Variants in CERS6 observed in about 807,000 individuals in gnomAD.
The protein encoded by CERS6 is ceramide synthase 6.
A neutral mutation model predicts 56.8 loss-of-function variants in CERS6; 26 were observed. That is an observed-to-expected ratio of 0.46 (90% confidence interval 0.34 to 0.63). The LOEUF (loss-of-function observed/expected upper bound fraction) is 0.63, where lower values mean the gene tolerates loss of function less well. CERS6 is among the 30% of genes least tolerant of loss of function. CERS6 has a pLI of 0.01. For synonymous variants in CERS6, 164 were observed against 173.3 expected, an observed-to-expected ratio of 0.95 and a Z score of 0.42; for missense variants, 415 against 467.5, an observed-to-expected ratio of 0.89 and a Z score of 1.04.
intron 3 of CERS6, 72 bp downstream of exon 3, chr2:168,561,394 G>T: frequency 1.3e-6 from 2 of 1,573,792 alleles, no homozygotes; most frequent in Non-Finnish European, 1.7e-6. Context: ...AAAAATAAAA[G>T]ATCTGTGCAG....
chr2:168,774,957 A>G lies in CERS6; in HGVS notation c.*5295A>G, dbSNP rs1684964688. On this transcript the variant is annotated 3_prime_UTR_variant, in exon 10 of 10. Coordinates refer to ENST00000305747, the MANE Select transcript of CERS6 (RefSeq NM_203463.3). ...AATTCAGTGCTTGAGCATCTCTGTCAGAAATGGAATGAAATACTGTTAGCC... is the reference window on the plus strand; with the variant it reads ...AATTCAGTGCTTGAGCATCTCTGTCGGAAATGGAATGAAATACTGTTAGCC... 1 of 152,260 alleles carries G rather than the reference A, an allele frequency of 6.6e-6. No individual in the cohort carries two copies. Among genetic ancestry groups the G allele is most frequent in the Non-Finnish European group, 1.5e-5 (1 of 68,048 alleles). The allele number at this position is 152,260 out of a possible 1,614,324, so 9.4% of individuals were successfully genotyped here.
intron 3 of CERS6, among the ~76,000 whole-genome samples, chr2:168,604,441 A>C (rs1347826423): frequency 2.0e-5 from 3 of 152,106 alleles, no homozygotes; most frequent in Non-Finnish European, 4.4e-5. Context: ...AGGGTCAGTC[A>C]ATCAAATCTG....
chr2:168,694,874 T>G, intron 5 of CERS6, 85 bp from the exon 6 acceptor site: 1 of 1,020,702 alleles, frequency 9.8e-7, no homozygotes, highest in East Asian at 2.4e-5. Context: ...CATGTTACTT[T>G]TGAGCAGTGA....
chr2:168,680,359 C>G (rs990751769), intron 4 of CERS6, among the ~76,000 whole-genome samples: 1 of 152,186 alleles, frequency 6.6e-6, no homozygotes, highest in Admixed American at 6.5e-5. Context: ...GAACTTTTTT[C>G]ATCTGGAGAA....
At chr2:168,697,207 G>T (rs774046879) in intron 6 of CERS6, among the ~76,000 whole-genome samples, 12 of 152,180 alleles carry the variant, frequency 7.9e-5, no homozygotes, top group Non-Finnish European at 1.6e-4. Context: ...GTATATATCA[G>T]CTGATTCTCA....
At chr2:168,497,830 G>A (rs1300843209) in intron 1 of CERS6, among the ~76,000 whole-genome samples, 3 of 152,162 alleles carry the variant, frequency 2.0e-5, no homozygotes, top group Non-Finnish European at 4.4e-5. Context: ...GAGGGGAGAT[G>A]CAGAAAAACC....
At chr2:168,711,913 T>C (rs1056618172) in intron 6 of CERS6, among the ~76,000 whole-genome samples, 1 of 151,784 alleles carries the variant, frequency 6.6e-6, no homozygotes. Context: ...CTTGCACTTA[T>C]GTTTAAAATA....
chr2:168,547,579 C>A lies in CERS6; in HGVS notation c.171-17C>A. On this transcript the variant is annotated splice_polypyrimidine_tract_variant and intron_variant, in intron 1 of 9. Coordinates refer to ENST00000305747, the MANE Select transcript of CERS6 (RefSeq NM_203463.3). ...ATAAATTCTGACCTTCTACTTTTTT[C>A]TTTTTGTAATTTTTAGATTTGTAGC... The A allele has an allele frequency of 6.5e-7, 1 of 1,547,100 alleles. No individual in the cohort carries two copies. Among genetic ancestry groups the A allele is most frequent in the African/African-American group, 1.4e-5 (1 of 72,866 alleles).
chr2:168,488,964 A>T (rs1194558994), intron 1 of CERS6, among the ~76,000 whole-genome samples: 1 of 152,198 alleles, frequency 6.6e-6, no homozygotes, highest in Non-Finnish European at 1.5e-5. Context: ...CTTAAGGGAA[A>T]GTAGTCTTCT....
chr2:168,476,565 G>A (rs1429920760), intron 1 of CERS6, among the ~76,000 whole-genome samples: 1 of 152,056 alleles, frequency 6.6e-6, no homozygotes, highest in Non-Finnish European at 1.5e-5. Flanking sequence ...TGGCTGAGAC[G>A]TCCTGCAATA....
chr2:168,610,990 G>A (rs1684176052), intron 3 of CERS6, among the ~76,000 whole-genome samples: 2 of 152,036 alleles, frequency 1.3e-5, no homozygotes, highest in South Asian at 2.1e-4. Context: ...TGTATTTTTA[G>A]TAGAGACGAG....
At chr2:168,539,666 A>G (rs1277585730) in intron 1 of CERS6, among the ~76,000 whole-genome samples, 2 of 152,182 alleles carry the variant, frequency 1.3e-5, no homozygotes, top group African/African-American at 4.8e-5. Context: ...AAATCAGTCT[A>G]TATTGTTCTG....
intron 1 of CERS6, among the ~76,000 whole-genome samples, chr2:168,497,366 C>A (rs545160228): frequency 1.4e-3 from 204 of 147,778 alleles, no homozygotes; most frequent in African/African-American, 5.0e-3. Context: ...ATAAATACCA[C>A]AGCAATAAAT....
intron 8 of CERS6, among the ~76,000 whole-genome samples, chr2:168,755,127 A>G (rs1267228239): frequency 1.3e-5 from 2 of 152,218 alleles, no homozygotes; most frequent in Non-Finnish European, 2.9e-5. Context: ...CCTAAAGATA[A>G]TATGTTTTGG....
At chr2:168,554,743 G>C (rs915248969) in intron 2 of CERS6, among the ~76,000 whole-genome samples, 2 of 152,164 alleles carry the variant, frequency 1.3e-5, no homozygotes, top group East Asian at 1.9e-4. Flanking sequence ...AGCACCTTAA[G>C]ACAAAGTAGT....
intron 9 of CERS6, among the ~76,000 whole-genome samples, chr2:168,768,484 C>T (rs1285120509): frequency 6.6e-6 from 1 of 151,542 alleles, no homozygotes; most frequent in African/African-American, 2.4e-5. Flanking sequence ...CCACCCACCT[C>T]AGGCTCCCAA....
intron 1 of CERS6, among the ~76,000 whole-genome samples, chr2:168,487,134 A>G (rs1694290181): frequency 6.6e-6 from 1 of 152,220 alleles, no homozygotes. Flanking sequence ...CACAAAATGT[A>G]TGTTAAAACA....
chr2:168,518,600 A>G (rs1435489180), intron 1 of CERS6, among the ~76,000 whole-genome samples: 8 of 151,796 alleles, frequency 5.3e-5, no homozygotes, highest in East Asian at 1.9e-4. Flanking sequence ...TCCCAGGCTC[A>G]GTTCTGGGTA....
At chr2:168,694,065 G>GT (rs1333195445) in intron 5 of CERS6, among the ~76,000 whole-genome samples, 2 of 152,062 alleles carry the variant, frequency 1.3e-5, no homozygotes, top group Non-Finnish European at 2.9e-5. Context: ...GTGTATAGGG[G>GT]TATGGACTTG....
Sources: allele counts gnomAD v4.1 joint callset (sites outside exome capture counted in the v4.1 genomes callset), GRCh38; gene constraint gnomAD v4.1.1; transcripts MANE v1.5; gene names NCBI Gene and HGNC (gene_info 2026-07-23, HGNC 2026-07-21).